The following PABPN1 variants were observed in gnomAD, a reference collection of about 807,000 sequenced individuals.
The protein encoded by PABPN1 is polyadenylate-binding protein 2.
In PABPN1, 5 loss-of-function variants were observed where a neutral mutation model predicts 33.4. That is an observed-to-expected ratio of 0.15 (90% CI 0.08 to 0.32). PABPN1 has a LOEUF of 0.32. PABPN1 is among the 10% of genes least tolerant of loss of function. The pLI, the probability that PABPN1 is intolerant of heterozygous loss-of-function variation, is 1.00. For synonymous variants in PABPN1, 176 were observed against 170.6 expected, an observed-to-expected ratio of 1.03 and a Z score of -0.25; for missense variants, 312 against 425.8, an observed-to-expected ratio of 0.73 and a Z score of 2.35.
At chr14:23,325,023 C>G (rs1359169571) in intron 6 of PABPN1, 12 of 455,092 alleles carry the variant, frequency 2.6e-5, no homozygotes, top group Non-Finnish European at 4.4e-5. Flanking sequence ...AGATGCGCTT[C>G]TTTTTCGCCA....
At position 23,321,499 on chromosome 14, in the gene PABPN1, A is replaced by G; in HGVS notation, c.30A>G (p.Ala10=). 4 of 1,219,948 alleles carry G rather than the reference A, an allele frequency of 3.3e-6. No individual in the cohort carries two copies. The highest frequency in any genetic ancestry group is 3.4e-5 in the East Asian group (1 of 29,594). 75.6% of individuals were successfully genotyped at this position (1,219,948 alleles called of 1,614,324 possible). Residue 10 remains alanine (A), a synonymous_variant, in exon 1 of 7, where the codon GCA becomes GCG. Transcript: ENST00000216727. The stretch of plus-strand genomic sequence containing the variant: ...CGGCGGCGGCGGCGGCGGCAGCAGC[A>G]GCGGGGGCTGCGGGCGGTCGGGGCT... MAAAAAAAA[A]AGAAGGRGSG...
Position 23,324,173 on chromosome 14 carries a change from C to A in PABPN1, c.765C>A (p.Ser255Arg). The A allele has an allele frequency of 6.2e-7, 1 of 1,614,240 alleles. No individual in the cohort carries two copies. Among genetic ancestry groups the A allele is most frequent in the Non-Finnish European group, 8.5e-7 (1 of 1,180,044 alleles). The change falls in exon 6 of 7, where the codon AGC becomes AGA. Residue 255 changes from serine (S) to arginine (R), a missense_variant. By Grantham distance (110) the Ser-to-Arg change is moderately radical. This residue lies in a region of PABPN1 where 77 missense variants were observed against 185.7 expected (regional missense o/e 0.41). Transcript: ENST00000216727. Reference sequence around the variant, plus strand: ...AACGAACCAACAGACCAGGCATCAGCACAACAGACCGGGGTTTTCCACGAG... The same window carrying A: ...AACGAACCAACAGACCAGGCATCAGAACAACAGACCGGGGTTTTCCACGAG... Reference protein sequence around the residue: ...IPKRTNRPGISTTDRGFPRAR... With the variant: ...IPKRTNRPGIRTTDRGFPRAR...
Position 23,321,802 on chromosome 14 carries a change from C to A in PABPN1, c.333C>A (p.Asp111Glu). 1 of 1,495,126 alleles carries A rather than the reference C, an allele frequency of 6.7e-7. No individual in the cohort carries two copies. The highest frequency in any genetic ancestry group is 1.3e-5 in the South Asian group (1 of 76,044). The allele number at this position is 1,495,126 out of a possible 1,614,324, so 92.6% of individuals were successfully genotyped here. ...EPGLVEGDPGDGAIEDPELEA... is the reference protein window; with the variant it reads ...EPGLVEGDPGEGAIEDPELEA... ...GACTGGTCGAGGGTGACCCGGGGGACGGCGCCATTGAGGACCCGGTGAGGG... is the reference window on the plus strand; with the variant it reads ...GACTGGTCGAGGGTGACCCGGGGGAAGGCGCCATTGAGGACCCGGTGAGGG... The change falls in exon 1 of 7, where the codon GAC (aspartate) becomes GAA (glutamate). Residue 111 changes from aspartate (D) to glutamate (E), a missense_variant. Asp to Glu is a conservative substitution (Grantham distance 45). Coordinates refer to ENST00000216727, the MANE Select transcript of PABPN1 (RefSeq NM_004643.4).
At chr14:23,323,601 G>C (rs1888497184) in intron 4 of PABPN1, 118 bp downstream of exon 4, 4 of 999,412 alleles carry the variant, frequency 4.0e-6, no homozygotes, top group Non-Finnish European at 6.1e-6. Flanking sequence ...TGTCATTTAA[G>C]ATCATGGCAT....
At chr14:23,322,149 G>A (rs776872843) in intron 1 of PABPN1, 32 bp from the exon 2 acceptor site, 23 of 1,578,100 alleles carry the variant, frequency 1.5e-5, no homozygotes, top group African/African-American at 4.1e-5. Flanking sequence ...TTCCTCTTAA[G>A]CTGTCCTCCA....
chr14:23,324,499 G>A (rs1888589663), intron 6 of PABPN1: 1 of 645,586 alleles, frequency 1.5e-6, no homozygotes, highest in Non-Finnish European at 2.7e-6. Context: ...TTGGTGATAA[G>A]GGCTGCATCC....
At chr14:23,322,957 A>G (rs771815473) in intron 2 of PABPN1, 42 bp from the exon 3 acceptor site, 27 of 1,613,488 alleles carry the variant, frequency 1.7e-5, no homozygotes, top group Non-Finnish European at 2.2e-5. Context: ...CAAGTAGAAA[A>G]CAAGTGTGTG....
intron 6 of PABPN1, 117 bp from the exon 7 acceptor site, chr14:23,325,130 G>A (rs1888647856): frequency 6.9e-7 from 1 of 1,453,060 alleles, no homozygotes; most frequent in Non-Finnish European, 9.6e-7. Context: ...TAGGACACTT[G>A]AACACTTCTT....
chr14:23,324,183 C>T lies in PABPN1; in HGVS notation c.775C>T (p.Arg259Trp), dbSNP rs748568880. The T allele has an allele frequency of 5.6e-6, 9 of 1,614,068 alleles. No homozygotes were observed. The highest frequency in any genetic ancestry group is 1.7e-5 in the Admixed American group (1 of 60,006). Residue 259 changes from arginine (R) to tryptophan (W), a missense_variant, in exon 6 of 7, where the codon CGG becomes TGG. Transcript: ENST00000216727. ...TNRPGISTTD[R>W]GFPRARYRAR... ...CAGACCAGGCATCAGCACAACAGACCGGGGTTTTCCACGAGCCCGCTACCG... is the reference window on the plus strand; with the variant it reads ...CAGACCAGGCATCAGCACAACAGACTGGGGTTTTCCACGAGCCCGCTACCG...
At chr14:23,325,063 T>C in intron 6 of PABPN1, 184 bp from the exon 7 acceptor site, 4 of 713,950 alleles carry the variant, frequency 5.6e-6, no homozygotes, top group East Asian at 2.7e-5. Context: ...TAAGCCCCCC[T>C]CCCCCTGCCC....
chr14:23,321,672 C>T lies in PABPN1; in HGVS notation c.203C>T (p.Pro68Leu), dbSNP rs1411649143. Residue 68 changes from proline to leucine, a missense_variant, in exon 1 of 7, where the codon CCC (proline) becomes CTC (leucine). Physicochemically the swap from Pro to Leu is moderately conservative, Grantham distance 98. Around this residue, in one of 3 missense-constraint regions of PABPN1, gnomAD observed 167 missense variants for 168.9 expected, o/e 0.99. Transcript: ENST00000216727. ...EELLLEPEPEPEPEEEPPRPR... is the reference protein window; with the variant it reads ...EELLLEPEPELEPEEEPPRPR... ...CTGCTGCTGGAGCCCGAGCCGGAGCCCGAGCCCGAAGAGGAGCCGCCCCGG... is the reference window on the plus strand; with the variant it reads ...CTGCTGCTGGAGCCCGAGCCGGAGCTCGAGCCCGAAGAGGAGCCGCCCCGG... The T allele has an allele frequency of 6.6e-7, 1 of 1,521,240 alleles. No homozygotes were observed. The highest frequency in any genetic ancestry group is 8.9e-7 in the Non-Finnish European group (1 of 1,124,144). 94.2% of individuals were successfully genotyped at this position (1,521,240 alleles called of 1,614,324 possible). A position where few individuals can be genotyped will look rare whatever the true frequency, so the allele number is the denominator to read the frequency against.
rs143507010 is a variant in PABPN1, at chr14:23,324,201, C to T, written c.793C>T (p.Arg265Cys). The change falls in exon 6 of 7, where the codon CGC becomes TGC. Residue 265 changes from arginine (R) to cysteine (C), a missense_variant. Arg to Cys is a radical substitution (Grantham distance 180, BLOSUM62 -3). Around this residue, in one of 3 missense-constraint regions of PABPN1, gnomAD observed 68 missense variants for 71.1 expected, o/e 0.96. Coordinates refer to ENST00000216727, the MANE Select transcript of PABPN1 (RefSeq NM_004643.4). ...AACAGACCGGGGTTTTCCACGAGCC[C>T]GCTACCGCGCCCGGACCACCAACTA... ...STTDRGFPRA[R>C]YRARTTNYNS... The T allele has an allele frequency of 2.3e-5, 37 of 1,614,092 alleles. No homozygotes were observed. The highest frequency in any genetic ancestry group is 1.3e-4 in the Admixed American group (8 of 60,004).
At chr14:23,323,177 G>T in intron 3 of PABPN1, 111 bp downstream of exon 3, 1 of 1,496,286 alleles carries the variant, frequency 6.7e-7, no homozygotes, top group South Asian at 1.1e-5. Flanking sequence ...GGTGTGGAGG[G>T]AGTGTGGGAA....
Position 23,326,003 on chromosome 14 carries a change from T to G in PABPN1, c.*717T>G, listed in dbSNP as rs908949379. The G allele has an allele frequency of 2.6e-5, 4 of 152,312 alleles. No individual in the cohort carries two copies. Among genetic ancestry groups the G allele is most frequent in the South Asian group, 2.1e-4 (1 of 4,824 alleles). The allele number at this position is 152,312 out of a possible 1,614,324, so 9.4% of individuals were successfully genotyped here. ...AGTTGTTTTGTTTTTTTGTTTTTTT[T>G]TTTTTTCCTTTGCCTTTTTTCCCTT... On this transcript the variant is annotated 3_prime_UTR_variant, in exon 7 of 7. Transcript: ENST00000216727.
chr14:23,324,470 A>C, intron 6 of PABPN1, 181 bp downstream of exon 6: 1 of 749,514 alleles, frequency 1.3e-6, no homozygotes, highest in Non-Finnish European at 2.2e-6. Context: ...CAGCCTCATC[A>C]TCTTTTCTGC....
At position 23,324,296 on chromosome 14, in the gene PABPN1, A is replaced by T; in HGVS notation, c.881+7A>T. The T allele has an allele frequency of 6.2e-7, 1 of 1,611,394 alleles. No individual in the cohort carries two copies. The highest frequency in any genetic ancestry group is 8.5e-7 in the Non-Finnish European group (1 of 1,179,984). On this transcript the variant is annotated splice_region_variant and intron_variant, in intron 6 of 6. Coordinates refer to ENST00000216727, the MANE Select transcript of PABPN1 (RefSeq NM_004643.4). Reference sequence around the variant, plus strand: ...CCCGGGGTCGCGTCTACAGGTCAGGATAGATGGGCTGCTCCTCTTTCCCCC... The same window carrying T: ...CCCGGGGTCGCGTCTACAGGTCAGGTTAGATGGGCTGCTCCTCTTTCCCCC...
chr14:23,323,942 G>A (rs1187807503), intron 4 of PABPN1, 23 bp from the exon 5 acceptor site: 17 of 1,613,454 alleles, frequency 1.1e-5, no homozygotes, highest in Non-Finnish European at 1.4e-5. Flanking sequence ...ACCTCAGAGA[G>A]ATACAATGAC....
Position 23,325,606 on chromosome 14 carries a change from A to G in PABPN1, c.*320A>G, listed in dbSNP as rs1257973096. 2 of 329,102 alleles carry G rather than the reference A, an allele frequency of 6.1e-6. No homozygotes were observed. Among genetic ancestry groups the G allele is most frequent in the African/African-American group, 4.5e-5 (2 of 44,844 alleles). 20.4% of individuals were successfully genotyped at this position (329,102 alleles called of 1,614,324 possible). ...CACTTCACCCCCTTGGGGGCTGCTC[A>G]AGGGTAGGTGGGCGTGGGTGGTAGG... On this transcript the variant is annotated 3_prime_UTR_variant, in exon 7 of 7. Coordinates refer to ENST00000216727, the MANE Select transcript of PABPN1 (RefSeq NM_004643.4).
Position 23,325,603 on chromosome 14 carries a change from C to T in PABPN1, c.*317C>T, listed in dbSNP as rs961654587. On this transcript the variant is annotated 3_prime_UTR_variant, in exon 7 of 7. Transcript: ENST00000216727. The stretch of plus-strand genomic sequence containing the variant: ...CCCCACTTCACCCCCTTGGGGGCTG[C>T]TCAAGGGTAGGTGGGCGTGGGTGGT... 3 of 336,692 alleles carry T rather than the reference C, an allele frequency of 8.9e-6. No homozygotes were observed. Among genetic ancestry groups the T allele is most frequent in the Admixed American group, 9.0e-5 (2 of 22,334 alleles). 20.9% of individuals were successfully genotyped at this position (336,692 alleles called of 1,614,324 possible). A position where few individuals can be genotyped will look rare whatever the true frequency, so the allele number is the denominator to read the frequency against.
Sources: allele counts gnomAD v4.1 joint callset, GRCh38; gene constraint gnomAD v4.1.1; regional missense constraint gnomAD v4.1.1; transcripts MANE v1.5; gene names NCBI Gene and HGNC (gene_info 2026-07-23, HGNC 2026-07-21).